PPP2R1B: variants seen among roughly 807,000 people sequenced by gnomAD.
PPP2R1B encodes the protein protein phosphatase 2 scaffold subunit Abeta.
PPP2R1B carries 58 observed loss-of-function variants against 72.7 expected under a neutral mutation model. That is an observed-to-expected ratio of 0.80 (90% CI 0.65 to 0.99). The LOEUF (loss-of-function observed/expected upper bound fraction) is 0.99. Among genes scored for constraint, PPP2R1B ranks in the 50% least tolerant of loss-of-function variants. The pLI is 0.00. For synonymous variants in PPP2R1B, 256 were observed against 264.6 expected, an observed-to-expected ratio of 0.97 and a Z score of 0.32; for missense variants, 695 against 733.6, an observed-to-expected ratio of 0.95 and a Z score of 0.61.
chr11:111,721,106 G>A, the PPP2R1B span: 5 of 1,571,280 alleles, frequency 3.2e-6, no homozygotes, highest in African/African-American at 1.4e-5. Context: ...GTGAGGATGA[G>A]GTGTGAGTTT....
At chr11:111,703,519 C>T in the PPP2R1B span, 5 of 1,070,236 alleles carry the variant, frequency 4.7e-6, no homozygotes, top group Admixed American at 9.6e-5. Flanking sequence ...CATGTATCTC[C>T]AGCGCCTAGG....
the PPP2R1B span, among the ~76,000 whole-genome samples, chr11:111,721,474 A>G: frequency 6.5e-4 from 99 of 152,346 alleles, no homozygotes; most frequent in African/African-American, 2.1e-3. Flanking sequence ...CAAGTGGATT[A>G]TTCATACTAA....
In PPP2R1B at chr11:111,738,467, G is replaced by C; in HGVS notation, c.*3129C>G. 1 of 985,442 alleles carries C rather than the reference G, an allele frequency of 1.0e-6. No individual in the cohort carries two copies. Among genetic ancestry groups the C allele is most frequent in the Non-Finnish European group, 1.2e-6 (1 of 829,954 alleles). 61.0% of individuals were successfully genotyped at this position (985,442 alleles called of 1,614,324 possible). On this transcript the variant is annotated 3_prime_UTR_variant, in exon 15 of 15. Coordinates refer to ENST00000527614, the MANE Select transcript of PPP2R1B (RefSeq NM_002716.5). ...TTAACAAAGGAACAAAAGTGCACCA[G>C]GTTAACCGCCGGGTCAGGAAGGACA...
Position 111,738,560 on chromosome 11 carries a change from TGCC to T in PPP2R1B, c.*3033_*3035del. The T allele has an allele frequency of 1.0e-6, 1 of 985,510 alleles. No homozygotes were observed. The highest frequency in any genetic ancestry group is 1.2e-6 in the Non-Finnish European group (1 of 829,964). The allele number at this position is 985,510 out of a possible 1,614,324, so 61.0% of individuals were successfully genotyped here. On this transcript the variant is annotated 3_prime_UTR_variant, in exon 15 of 15. Transcript: ENST00000527614. ...GGACAAGCCAGCTCAAAGGTCAGGC[TGCC>T]GTCTCTGTTGAGTCAGGACAAGTTG...
the PPP2R1B span, among the ~76,000 whole-genome samples, chr11:111,708,088 A>C: frequency 1.3e-5 from 2 of 152,170 alleles, no homozygotes; most frequent in African/African-American, 4.8e-5. Context: ...CTAGTTACAA[A>C]ATACCCATTA....
At chr11:111,724,223 C>T, downstream of PPP2R1B, 1 of 1,484,662 alleles carries the variant, frequency 6.7e-7, no homozygotes, top group Non-Finnish European at 8.9e-7. Flanking sequence ...ATTTTCTTGC[C>T]CTCTCCCTAA....
In PPP2R1B at chr11:111,738,662, T is replaced by C; in HGVS notation, c.*2934A>G. The C allele has an allele frequency of 2.0e-6, 2 of 985,444 alleles. No homozygotes were observed. The highest frequency in any genetic ancestry group is 9.4e-5 in the South Asian group (2 of 21,280). The allele number at this position is 985,444 out of a possible 1,614,324, so 61.0% of individuals were successfully genotyped here. ...ATTTCTGTGAGCTGAGGGCAGCCCG[T>C]TATTTCAACAAGACCTCGTTAGAAA... On this transcript the variant is annotated 3_prime_UTR_variant, in exon 15 of 15. Transcript: ENST00000527614.
downstream of PPP2R1B, chr11:111,723,730 C>T (rs1238142901): frequency 3.7e-6 from 6 of 1,614,048 alleles, no homozygotes; most frequent in Admixed American, 8.3e-5. Context: ...TCAGCCAGTA[C>T]CAAGAGATGC....
At chr11:111,760,495 T>A (rs188991161) in intron 4 of PPP2R1B, among the ~76,000 whole-genome samples, 1,821 of 152,148 alleles carry the variant, frequency 0.012, 22 homozygotes, top group Middle Eastern at 0.068. Context: ...AAATTTTTTT[T>A]AAAAATTAGC....
chr11:111,764,632 A>G (rs2136120146), intron 3 of PPP2R1B, among the ~76,000 whole-genome samples, 173 bp downstream of exon 3: 1 of 152,172 alleles, frequency 6.6e-6, no homozygotes, highest in East Asian at 1.9e-4. Flanking sequence ...AAAAAAAAAA[A>G]GGAGTTGAGT....
At chr11:111,743,315 T>G in intron 12 of PPP2R1B, 61 bp downstream of exon 12, 1 of 1,457,982 alleles carries the variant, frequency 6.9e-7, no homozygotes, top group South Asian at 1.3e-5. Flanking sequence ...AATTCAGAAA[T>G]AGTCATGAAT....
chr11:111,705,003 G>GCTATAA, the PPP2R1B span: 1 of 1,606,712 alleles, frequency 6.2e-7, no homozygotes, highest in Admixed American at 1.7e-5. This position sits in a 1 kb window ranked among gnomAD's most constrained non-coding sequence, Gnocchi z 4.3. Context: ...CAGAACAAGA[G>GCTATAA]CTATAACCAC....
downstream of PPP2R1B, among the ~76,000 whole-genome samples, chr11:111,737,097 A>T (rs954742580): frequency 6.6e-6 from 1 of 152,222 alleles, no homozygotes. Flanking sequence ...ATATTATGTG[A>T]GGAAAGTGGG....
At chr11:111,765,728 A>C (rs1325103269) in intron 1 of PPP2R1B, 1 of 487,900 alleles carries the variant, frequency 2.0e-6, no homozygotes, top group African/African-American at 1.9e-5. Flanking sequence ...TGTGGTTTCA[A>C]AGAAAAGTTC....
In PPP2R1B at chr11:111,753,405, T is replaced by C. The variant is rs187823525; in HGVS notation, c.1164+38A>G. 113 of 1,585,028 alleles carry C rather than the reference T, an allele frequency of 7.1e-5. No individual in the cohort carries two copies. The African/African-American group carries it at 1.4e-3, about 20-fold the overall frequency. The stretch of plus-strand genomic sequence containing the variant: ...TAAACCAAAATCAAATAAAATCAAA[T>C]TACTATCAAAGGCAACAGAACATAA... On this transcript the variant is annotated intron_variant, in intron 9 of 14. Coordinates refer to ENST00000527614, the MANE Select transcript of PPP2R1B (RefSeq NM_002716.5).
At chr11:111,719,985 G>A in the PPP2R1B span, 1 of 1,613,886 alleles carries the variant, frequency 6.2e-7, no homozygotes, top group African/African-American at 1.3e-5. Context: ...CAATCAACTG[G>A]TCGTGATGCC....
downstream of PPP2R1B, among the ~76,000 whole-genome samples, chr11:111,722,974 T>C (rs932211732): frequency 6.6e-6 from 1 of 152,204 alleles, no homozygotes; most frequent in African/African-American, 2.4e-5. This position sits in a 1 kb window ranked among gnomAD's most constrained non-coding sequence, Gnocchi z 4.4. Flanking sequence ...TACTTTGTTT[T>C]CCTTTTCTTC....
At chr11:111,766,158 T>A in intron 1 of PPP2R1B, 90 bp downstream of exon 1, 1 of 1,307,472 alleles carries the variant, frequency 7.6e-7, no homozygotes, top group Non-Finnish European at 1.1e-6. Context: ...ATTCAGTACC[T>A]CGGCCACCCC....
intron 2 of PPP2R1B, 65 bp downstream of exon 2, chr11:111,765,229 G>A: frequency 6.9e-7 from 1 of 1,446,254 alleles, no homozygotes; most frequent in Non-Finnish European, 9.6e-7. Flanking sequence ...CTCTAAAAAA[G>A]TCAGTGTTGA....
Sources: gnomAD v4.1 joint callset for allele counts (sites outside exome capture counted in the v4.1 genomes callset) on GRCh38, gnomAD v4.1.1 for gene constraint, Gnocchi (gnomAD v3.1) non-coding constraint, MANE v1.5 for transcripts, NCBI Gene and HGNC (gene_info 2026-07-23, HGNC 2026-07-21) for gene names.